RSRC1: variants seen among roughly 807,000 people sequenced by gnomAD.
The protein encoded by RSRC1 is arginine and serine rich coiled-coil 1.
A neutral mutation model predicts 49.1 loss-of-function variants in RSRC1; 39 were observed. The ratio of observed to expected loss-of-function variants is 0.79; its 90% CI spans 0.61 to 1.04. The LOEUF (loss-of-function observed/expected upper bound fraction) is 1.04. Ranked by LOEUF, RSRC1 falls within the 50% of genes least tolerant of loss-of-function variation. The pLI is 0.00. For synonymous variants in RSRC1, 143 were observed against 130.8 expected, an observed-to-expected ratio of 1.09 and a Z score of -0.63; for missense variants, 388 against 402.4, an observed-to-expected ratio of 0.96 and a Z score of 0.31.
intron 4 of RSRC1, among the ~76,000 whole-genome samples, chr3:158,239,023 A>G (rs1723408343): frequency 6.6e-6 from 1 of 152,100 alleles, no homozygotes; most frequent in Non-Finnish European, 1.5e-5. Context: ...ATTTACAAGA[A>G]AAAAAAACCA....
chr3:158,335,235 C>T (rs1352919076), intron 5 of RSRC1, among the ~76,000 whole-genome samples: 1 of 152,076 alleles, frequency 6.6e-6, no homozygotes, highest in Non-Finnish European at 1.5e-5. Flanking sequence ...CTGTATCCAA[C>T]CAACCAAGGT....
At chr3:158,327,657 T>C (rs1729245608) in intron 5 of RSRC1, among the ~76,000 whole-genome samples, 1 of 152,088 alleles carries the variant, frequency 6.6e-6, no homozygotes. Flanking sequence ...TCCAACTATG[T>C]GGTCAATTTT....
chr3:158,280,637 CTTTTTTTTTT>C (rs146925471), intron 4 of RSRC1, among the ~76,000 whole-genome samples: 1 of 63,984 alleles, frequency 1.6e-5, no homozygotes, highest in African/African-American at 6.4e-5. Flanking sequence ...GAAGTGATTC[CTTTTTTTTTT>C]TTTTTTTTTT....
intron 6 of RSRC1, among the ~76,000 whole-genome samples, chr3:158,457,593 A>G (rs1036682957): frequency 6.6e-6 from 1 of 152,202 alleles, no homozygotes; most frequent in Non-Finnish European, 1.5e-5. Flanking sequence ...CCAAGAATAG[A>G]ACGCCAAGAA....
At chr3:158,454,186 T>G (rs1377223224) in intron 6 of RSRC1, among the ~76,000 whole-genome samples, 1 of 152,144 alleles carries the variant, frequency 6.6e-6, no homozygotes, top group African/African-American at 2.4e-5. Context: ...TTCTTTCTTT[T>G]AATTAAGAAC....
At chr3:158,423,190 G>A (rs377209494) in intron 6 of RSRC1, among the ~76,000 whole-genome samples, 6 of 151,800 alleles carry the variant, frequency 4.0e-5, no homozygotes, top group Non-Finnish European at 7.4e-5. Flanking sequence ...GGTTTTCTTC[G>A]AGGGTTTTTA....
chr3:158,544,305 C>T lies in RSRC1; in HGVS notation c.*30C>T. ...TATACATATAGTTGGATTGGATTGT[C>T]AGCAGTAACATTGGAAATTTAGGTT... On this transcript the variant is annotated 3_prime_UTR_variant, in exon 10 of 10. Transcript: ENST00000611884. The T allele has an allele frequency of 7.3e-7, 1 of 1,365,792 alleles. No individual in the cohort carries two copies. Among genetic ancestry groups the T allele is most frequent in the East Asian group, 2.4e-5 (1 of 42,340 alleles). The allele number at this position is 1,365,792 out of a possible 1,614,324, so 84.6% of individuals were successfully genotyped here.
chr3:158,111,049 A>G (rs1409744594), intron 1 of RSRC1, among the ~76,000 whole-genome samples: 1 of 152,220 alleles, frequency 6.6e-6, no homozygotes, highest in African/African-American at 2.4e-5. Flanking sequence ...TAGGTAGTAG[A>G]TAAATAAATT....
chr3:158,203,604 A>G (rs1251374487), intron 4 of RSRC1, among the ~76,000 whole-genome samples: 2 of 152,174 alleles, frequency 1.3e-5, no homozygotes, highest in Admixed American at 6.5e-5. Flanking sequence ...TAAAATTTGT[A>G]GACTACTTAG....
At chr3:158,528,439 T>A (rs1452348405) in intron 7 of RSRC1, among the ~76,000 whole-genome samples, 2 of 151,912 alleles carry the variant, frequency 1.3e-5, no homozygotes, top group Non-Finnish European at 2.9e-5. Context: ...CATATCTTGC[T>A]TTTGTGTGCT....
intron 1 of RSRC1, among the ~76,000 whole-genome samples, chr3:158,119,491 T>C (rs971080862): frequency 8.5e-5 from 13 of 152,274 alleles, no homozygotes; most frequent in Admixed American, 8.5e-4. Flanking sequence ...ATTTAAATGG[T>C]TATTTGTTTG....
At chr3:158,533,772 A>G (rs1576613139) in intron 7 of RSRC1, among the ~76,000 whole-genome samples, 1 of 151,730 alleles carries the variant, frequency 6.6e-6, no homozygotes, top group Non-Finnish European at 1.5e-5. Context: ...TGTAGTTTTC[A>G]TATTGACATT....
intron 7 of RSRC1, among the ~76,000 whole-genome samples, chr3:158,528,709 T>C (rs998291290): frequency 1.3e-5 from 2 of 152,012 alleles, no homozygotes; most frequent in Non-Finnish European, 2.9e-5. Context: ...TCTGACCTAT[T>C]AATCTGGTAT....
intron 4 of RSRC1, among the ~76,000 whole-genome samples, chr3:158,236,074 C>A (rs1723225766): frequency 6.6e-6 from 1 of 151,704 alleles, no homozygotes; most frequent in Non-Finnish European, 1.5e-5. Context: ...TGAGATTGTG[C>A]CCTTGCACTC....
intron 5 of RSRC1, among the ~76,000 whole-genome samples, chr3:158,342,529 T>C (rs952494545): frequency 1.3e-5 from 2 of 152,196 alleles, no homozygotes; most frequent in Non-Finnish European, 2.9e-5. Context: ...TGTGGAACCA[T>C]AAATCCAATT....
intron 5 of RSRC1, among the ~76,000 whole-genome samples, chr3:158,323,926 A>G (rs1230812590): frequency 7.0e-6 from 1 of 143,470 alleles, no homozygotes; most frequent in Non-Finnish European, 1.5e-5. Flanking sequence ...GTGCATCCGT[A>G]CTATAGTACA....
intron 7 of RSRC1, among the ~76,000 whole-genome samples, chr3:158,524,321 G>A (rs536131891): frequency 4.6e-5 from 7 of 152,010 alleles, no homozygotes; most frequent in South Asian, 2.1e-4. Flanking sequence ...TTTTCCTTGC[G>A]AATTTATGTG....
intron 4 of RSRC1, among the ~76,000 whole-genome samples, chr3:158,273,586 C>T (rs1019252591): frequency 1.9e-4 from 29 of 151,980 alleles, no homozygotes; most frequent in African/African-American, 1.4e-4. Flanking sequence ...TCCTGTAATA[C>T]GAAGTCTAGC....
intron 4 of RSRC1, among the ~76,000 whole-genome samples, chr3:158,244,085 G>T (rs1723749743): frequency 6.6e-6 from 1 of 151,158 alleles, no homozygotes. Context: ...GATAGCTTGA[G>T]TTCCTCTCTA....
Sources: gnomAD v4.1 joint callset for allele counts (sites outside exome capture counted in the v4.1 genomes callset) on GRCh38, gnomAD v4.1.1 for gene constraint, MANE v1.5 for transcripts, NCBI Gene and HGNC (gene_info 2026-07-23, HGNC 2026-07-21) for gene names.